KCNMA1: variants seen among roughly 807,000 people sequenced by gnomAD.
KCNMA1 encodes the protein potassium calcium-activated channel subfamily M alpha 1, also known as Calcium-activated potassium channel subunit alpha-1.
A neutral mutation model predicts 140.0 loss-of-function variants in KCNMA1; 29 were observed. The observed-to-expected ratio is 0.21, with a 90% CI of 0.15 to 0.28. The LOEUF (loss-of-function observed/expected upper bound fraction) is 0.28, where lower values mean the gene tolerates loss of function less well. KCNMA1 is among the 10% of genes least tolerant of loss of function. The pLI is 1.00. For missense variants in KCNMA1, 880 were observed against 1,602.2 expected (o/e 0.55, Z 7.70); for synonymous variants, 612 against 611.9 (o/e 1.00, Z 0.00).
chr10:77,592,895 C>T (rs962886014), intron 1 of KCNMA1, among the ~76,000 whole-genome samples: 4 of 152,160 alleles, frequency 2.6e-5, no homozygotes, highest in Non-Finnish European at 4.4e-5. Flanking sequence ...TAAGAGAGAG[C>T]GCACAAAGGC....
At chr10:77,198,692 A>C (rs915518228) in intron 3 of KCNMA1, among the ~76,000 whole-genome samples, 2 of 151,644 alleles carry the variant, frequency 1.3e-5, no homozygotes, top group Non-Finnish European at 2.9e-5. Context: ...TGGATATCTA[A>C]AAACTAGTTT....
intron 1 of KCNMA1, among the ~76,000 whole-genome samples, chr10:77,503,812 C>G (rs60351832): frequency 6.6e-6 from 1 of 152,236 alleles, no homozygotes; most frequent in African/African-American, 2.4e-5. Context: ...GCCACAAGTG[C>G]TGCGGGATTT....
chr10:77,555,623 C>G (rs900954335), intron 1 of KCNMA1, among the ~76,000 whole-genome samples: 19 of 152,198 alleles, frequency 1.2e-4, no homozygotes, highest in Admixed American at 1.1e-3. Flanking sequence ...GAGTCCTGTG[C>G]TGAAGTGTTC....
At chr10:76,945,098 T>A in intron 22 of KCNMA1, 133 bp from the exon 23 acceptor site, 1 of 787,082 alleles carries the variant, frequency 1.3e-6, no homozygotes, top group Non-Finnish European at 2.2e-6. Flanking sequence ...TTTGGGAAAT[T>A]ATTTAACAAG....
At position 76,885,150 on chromosome 10, in the gene KCNMA1, A is replaced by C; in HGVS notation, c.*2116T>G. 1 of 1,369,654 alleles carries C rather than the reference A, an allele frequency of 7.3e-7. No individual in the cohort carries two copies. 84.8% of individuals were successfully genotyped at this position (1,369,654 alleles called of 1,614,324 possible). On this transcript the variant is annotated 3_prime_UTR_variant, in exon 28 of 28. Transcript: ENST00000286628. ...GGCGTAACTTTATAACCTCCTTTGC[A>C]AAGAATGCATGAAGAGCTCTTCATG...
At chr10:77,296,661 T>C (rs957386175) in intron 2 of KCNMA1, among the ~76,000 whole-genome samples, 3 of 151,964 alleles carry the variant, frequency 2.0e-5, no homozygotes, top group African/African-American at 7.3e-5. Context: ...GAAAAACATC[T>C]CCCTTAGTTG....
At chr10:77,416,833 A>T (rs1013061596) in intron 1 of KCNMA1, among the ~76,000 whole-genome samples, 1 of 152,168 alleles carries the variant, frequency 6.6e-6, no homozygotes, top group African/African-American at 2.4e-5. Flanking sequence ...AAATGAAGAA[A>T]TTCTGTTTTT....
intron 23 of KCNMA1, among the ~76,000 whole-genome samples, chr10:76,939,987 T>C (rs2061549655): frequency 6.6e-6 from 1 of 152,234 alleles, no homozygotes; most frequent in Non-Finnish European, 1.5e-5. Flanking sequence ...CAAAGGGAAG[T>C]GACAGGCACT....
intron 1 of KCNMA1, among the ~76,000 whole-genome samples, chr10:77,602,340 T>C (rs1001617598): frequency 6.6e-6 from 1 of 152,170 alleles, no homozygotes; most frequent in African/African-American, 2.4e-5. Flanking sequence ...TTAGATGGAA[T>C]GGCCACAAGG....
rs757766830 is a variant in KCNMA1 at position 77,637,260 on chromosome 10, G to C, written c.378+5C>G. The C allele has an allele frequency of 3.7e-6, 6 of 1,601,614 alleles. No individual in the cohort carries two copies. The Admixed American group carries it at 1.0e-4, about 27-fold the overall frequency. The stretch of plus-strand genomic sequence containing the variant: ...CAGAGGGCGGGCGCCCGGGGCGCGC[G>C]TTACCTTCGTCTTGCCCCCGCAGTG... On this transcript the variant is annotated splice_donor_5th_base_variant and intron_variant, in intron 1 of 27. Transcript: ENST00000286628.
chr10:77,324,971 C>CTCTCTCTGTGTG (rs766240356), intron 2 of KCNMA1, among the ~76,000 whole-genome samples: 231 of 90,434 alleles, frequency 2.6e-3, no homozygotes, highest in Non-Finnish European at 3.6e-3. Flanking sequence ...CTCTCTCTCT[C>CTCTCTCTGTGTG]TGTGTGTGTG....
intron 1 of KCNMA1, among the ~76,000 whole-genome samples, chr10:77,476,399 C>T (rs144099575): frequency 7.6e-4 from 115 of 152,258 alleles, no homozygotes; most frequent in African/African-American, 2.6e-3. Flanking sequence ...CCCTCCTATG[C>T]CAGCCTCTCT....
chr10:77,085,304 T>C (rs1366419270), intron 11 of KCNMA1, among the ~76,000 whole-genome samples: 2 of 152,216 alleles, frequency 1.3e-5, no homozygotes, highest in Admixed American at 6.5e-5. Context: ...AACAAATCTA[T>C]GTATGAAATA....
intron 1 of KCNMA1, among the ~76,000 whole-genome samples, chr10:77,585,971 C>T (rs2077169450): frequency 6.6e-6 from 1 of 152,214 alleles, no homozygotes; most frequent in Admixed American, 6.5e-5. Flanking sequence ...GAATGGCTTT[C>T]CAGAACCTCA....
At chr10:77,574,357 A>C (rs2073198047) in intron 1 of KCNMA1, among the ~76,000 whole-genome samples, 1 of 152,108 alleles carries the variant, frequency 6.6e-6, no homozygotes, top group Admixed American at 6.6e-5. Context: ...TATGCTTTGC[A>C]CACACAATGT....
At chr10:77,391,111 G>A (rs1174911990) in intron 2 of KCNMA1, among the ~76,000 whole-genome samples, 1 of 152,174 alleles carries the variant, frequency 6.6e-6, no homozygotes, top group Non-Finnish European at 1.5e-5. Context: ...GATCCTTTGC[G>A]TTAACCTGCT....
intron 1 of KCNMA1, 112 bp downstream of exon 1, chr10:77,637,153 A>C: frequency 2.4e-6 from 3 of 1,245,194 alleles, no homozygotes; most frequent in Non-Finnish European, 3.3e-6. Flanking sequence ...AGGGGAAGGC[A>C]GGCGGGGATG....
intron 1 of KCNMA1, among the ~76,000 whole-genome samples, chr10:77,530,664 G>A (rs1452673121): frequency 6.6e-6 from 1 of 152,174 alleles, no homozygotes; most frequent in Non-Finnish European, 1.5e-5. Context: ...GACACAAAGA[G>A]AAAGATGCAT....
At chr10:76,926,880 C>CAACT (rs1300210460) in intron 23 of KCNMA1, among the ~76,000 whole-genome samples, 3 of 152,178 alleles carry the variant, frequency 2.0e-5, no homozygotes, top group African/African-American at 7.2e-5. Context: ...TTGCACATCA[C>CAACT]AACTCCAGGT....
Sources: allele counts gnomAD v4.1 joint callset (sites outside exome capture counted in the v4.1 genomes callset), GRCh38; gene constraint gnomAD v4.1.1; transcripts MANE v1.5; gene names NCBI Gene and HGNC (gene_info 2026-07-23, HGNC 2026-07-21).